The following CSMD1 variants were observed in gnomAD, a reference collection of about 807,000 sequenced individuals.
The protein encoded by CSMD1 is CUB and sushi domain-containing protein 1.
A neutral mutation model predicts 417.5 loss-of-function variants in CSMD1; 213 were observed. The observed-to-expected ratio is 0.51, with a 90% CI of 0.46 to 0.57. CSMD1 has a LOEUF of 0.57. Among genes scored for constraint, CSMD1 ranks in the 20% least tolerant of loss-of-function variants. The probability of loss-of-function intolerance (pLI) is 0.00; values close to 1 mark genes in which losing one functional copy is unlikely to be tolerated. For synonymous variants in CSMD1, 2,862 were observed against 1,736.8 expected (o/e 1.65, Z -16.11); for missense variants, 6,923 against 4,529.7 (o/e 1.53, Z -15.17).
At chr8:3,930,125 A>G (rs1223833796) in intron 5 of CSMD1, among the ~76,000 whole-genome samples, 1 of 150,232 alleles carries the variant, frequency 6.7e-6, no homozygotes, top group Non-Finnish European at 1.5e-5. Context: ...AAACCTACAA[A>G]AGCAGTACCC....
At chr8:4,415,908 T>C (rs921489644) in intron 3 of CSMD1, among the ~76,000 whole-genome samples, 10 of 152,224 alleles carry the variant, frequency 6.6e-5, no homozygotes, top group African/African-American at 2.4e-4. Context: ...CTTCTGTAGA[T>C]GTACAGACAT....
intron 7 of CSMD1, among the ~76,000 whole-genome samples, chr8:3,663,366 TA>T (rs1272910757): frequency 1.3e-5 from 2 of 152,096 alleles, no homozygotes; most frequent in African/African-American, 4.8e-5. Flanking sequence ...TTTGACTTTA[TA>T]AAGGGGCACT....
At chr8:4,383,304 G>A (rs1029804790) in intron 3 of CSMD1, among the ~76,000 whole-genome samples, 13 of 152,126 alleles carry the variant, frequency 8.5e-5, no homozygotes, top group South Asian at 2.1e-4. Context: ...AATGTTAGGC[G>A]GTGGGCATGG....
intron 3 of CSMD1, among the ~76,000 whole-genome samples, chr8:4,398,385 C>CTTTTTTTTTTT (rs1317009143): frequency 5.1e-5 from 6 of 118,128 alleles, no homozygotes; most frequent in East Asian, 2.8e-4. Flanking sequence ...CTTGCTGCAA[C>CTTTTTTTTTTT]TTCTTTTTTT....
chr8:3,664,882 C>A (rs17397749), intron 7 of CSMD1, among the ~76,000 whole-genome samples: 1 of 152,092 alleles, frequency 6.6e-6, no homozygotes, highest in South Asian at 2.1e-4. Context: ...AGAATTTCAA[C>A]GTCACAAATT....
At position 4,018,692 on chromosome 8, in the gene CSMD1, A is replaced by G. The variant is rs75099639; in HGVS notation, c.610+13213T>C. On this transcript the variant is annotated intron_variant, in intron 4 of 69. Transcript: ENST00000635120. ...AATATTTGTTTCTCAATTTTAAGTTAGGTTCTTTTAGAAATATTTATTTTT... is the reference window on the plus strand; with the variant it reads ...AATATTTGTTTCTCAATTTTAAGTTGGGTTCTTTTAGAAATATTTATTTTT... 7.0e-3 allele frequency among the ~76,000 whole-genome samples: 1,065 copies of G among 152,330 alleles called. 58 individuals are homozygous for G. The East Asian group carries it at 0.14, about 20-fold the overall frequency.
chr8:4,054,092 C>T (rs936858835), intron 3 of CSMD1, among the ~76,000 whole-genome samples: 1 of 152,152 alleles, frequency 6.6e-6, no homozygotes, highest in African/African-American at 2.4e-5. Context: ...CAGTTCACTA[C>T]ACCAGCTGCT....
At chr8:4,015,480 T>C (rs1240621875) in intron 4 of CSMD1, among the ~76,000 whole-genome samples, 1 of 151,950 alleles carries the variant, frequency 6.6e-6, no homozygotes, top group African/African-American at 2.4e-5. Flanking sequence ...GCTTAACAAT[T>C]AAAGAAAACC....
chr8:3,536,602 G>A (rs373149054), intron 10 of CSMD1, among the ~76,000 whole-genome samples: 1 of 152,206 alleles, frequency 6.6e-6, no homozygotes, highest in African/African-American at 2.4e-5. Flanking sequence ...ATCATGAATA[G>A]TGTGAACAGA....
intron 3 of CSMD1, among the ~76,000 whole-genome samples, chr8:4,359,375 A>G (rs965575086): frequency 2.6e-5 from 4 of 152,238 alleles, no homozygotes; most frequent in African/African-American, 9.6e-5. Context: ...GAAATTATCA[A>G]TAGGGTTTAA....
At chr8:3,090,316 C>CAAAAAAAAAAAA (rs35534326) in intron 48 of CSMD1, among the ~76,000 whole-genome samples, 1 of 79,788 alleles carries the variant, frequency 1.3e-5, no homozygotes, top group Non-Finnish European at 2.3e-5. Flanking sequence ...GACTGTATTT[C>CAAAAAAAAAAAA]AAAAAAAAAA....
At chr8:2,964,135 T>C (rs1563186382) in intron 59 of CSMD1, among the ~76,000 whole-genome samples, 1 of 152,224 alleles carries the variant, frequency 6.6e-6, no homozygotes, top group Admixed American at 6.5e-5. Flanking sequence ...CCCTAGTTTT[T>C]GAAATGAATG....
At chr8:3,993,447 G>C (rs1299415760) in intron 5 of CSMD1, among the ~76,000 whole-genome samples, 1 of 152,106 alleles carries the variant, frequency 6.6e-6, no homozygotes, top group African/African-American at 2.4e-5. Context: ...ACCCATTCAA[G>C]CGTTCTTTGA....
intron 3 of CSMD1, among the ~76,000 whole-genome samples, chr8:4,056,506 C>G (rs1366684932): frequency 6.6e-6 from 1 of 151,234 alleles, no homozygotes; most frequent in African/African-American, 2.4e-5. Flanking sequence ...AAATATTGGG[C>G]TACTAAGGAA....
intron 41 of CSMD1, among the ~76,000 whole-genome samples, chr8:3,139,274 G>C (rs189685795): frequency 1.8e-4 from 28 of 152,320 alleles, no homozygotes; most frequent in Admixed American, 1.7e-3. Flanking sequence ...ATCACGGAAA[G>C]CATAGGATGG....
At chr8:4,513,345 C>G (rs1249729823) in intron 2 of CSMD1, among the ~76,000 whole-genome samples, 1 of 152,084 alleles carries the variant, frequency 6.6e-6, no homozygotes, top group African/African-American at 2.4e-5. Flanking sequence ...CATAAAGCAG[C>G]AAACATCGAA....
At chr8:4,300,241 T>C (rs745590615) in intron 3 of CSMD1, among the ~76,000 whole-genome samples, 16 of 152,262 alleles carry the variant, frequency 1.1e-4, no homozygotes, top group Non-Finnish European at 1.9e-4. Context: ...TAAAGTCGTT[T>C]GTAAACACAG....
intron 1 of CSMD1, among the ~76,000 whole-genome samples, chr8:4,868,428 G>T (rs982039243): frequency 1.3e-5 from 2 of 151,880 alleles, no homozygotes; most frequent in Admixed American, 6.6e-5. Flanking sequence ...AGAGACCGGG[G>T]TTTTGCCACA....
chr8:4,403,418 G>A (rs547327562), intron 3 of CSMD1, among the ~76,000 whole-genome samples: 1 of 152,226 alleles, frequency 6.6e-6, no homozygotes, highest in South Asian at 2.1e-4. Context: ...ACAGAAGTAA[G>A]AGTTTCACAC....
Sources: allele counts gnomAD v4.1 joint callset (sites outside exome capture counted in the v4.1 genomes callset), GRCh38; gene constraint gnomAD v4.1.1; transcripts MANE v1.5; gene names NCBI Gene and HGNC (gene_info 2026-07-23, HGNC 2026-07-21).